RAB3IL1: variants seen among roughly 807,000 people sequenced by gnomAD.
RAB3IL1 encodes RAB3A interacting protein like 1.
Under a neutral mutation model 49.2 loss-of-function variants are expected in RAB3IL1, and 37 were observed. That is an observed-to-expected ratio of 0.75 (90% CI 0.58 to 0.99). The LOEUF is 0.99. Among genes scored for constraint, RAB3IL1 ranks in the 50% least tolerant of loss-of-function variants. The pLI, the probability that RAB3IL1 is intolerant of heterozygous loss-of-function variation, is 0.00. For missense variants in RAB3IL1, 484 were observed against 513.0 expected, an observed-to-expected ratio of 0.94 and a Z score of 0.55; for synonymous variants, 193 against 213.9, an observed-to-expected ratio of 0.90 and a Z score of 0.85.
At chr11:61,934,446 G>GTGTGTGTGTGTATA in the RAB3IL1 span, among the ~76,000 whole-genome samples, 9 of 24,402 alleles carry the variant, frequency 3.7e-4, no homozygotes, top group Non-Finnish European at 9.9e-4. Flanking sequence ...GTGTGTGTGT[G>GTGTGTGTGTGTATA]TATGTATATA....
At position 61,897,520 on chromosome 11, in the gene RAB3IL1, T is replaced by C. The variant is rs13966; in HGVS notation, c.*758A>G. On this transcript the variant is annotated 3_prime_UTR_variant, in exon 10 of 10. Transcript: ENST00000394836. ...ACCCACAGCTGAAAACAGGCGTGGG[T>C]GATCTGAAGCCCTGTCTGTGTTCTA... The C allele has an allele frequency of 0.54, 81,684 of 151,862 alleles. 22,550 individuals carry two copies. Among genetic ancestry groups the C allele is most frequent in the East Asian group, 0.88 (4,537 of 5,154 alleles). The allele number at this position is 151,862 out of a possible 1,614,324, so 9.4% of individuals were successfully genotyped here. A position where few individuals can be genotyped will look rare whatever the true frequency, so the allele number is the denominator to read the frequency against.
At chr11:61,907,351 G>C (rs778012978) in intron 4 of RAB3IL1, 42 bp downstream of exon 4, 12 of 1,600,098 alleles carry the variant, frequency 7.5e-6, no homozygotes, top group African/African-American at 1.3e-5. Flanking sequence ...GGAGGCAGGG[G>C]GGGTGCCTGG....
intron 1 of RAB3IL1, among the ~76,000 whole-genome samples, chr11:61,916,577 G>T (rs988824406): frequency 2.0e-5 from 3 of 152,200 alleles, no homozygotes; most frequent in African/African-American, 7.2e-5. Context: ...TGGCCCAGGG[G>T]GCACAGGAGT....
upstream of RAB3IL1, among the ~76,000 whole-genome samples, chr11:61,917,762 ACTC>A (rs1939775490): frequency 1.3e-5 from 2 of 150,698 alleles, no homozygotes; most frequent in Non-Finnish European, 3.0e-5. Context: ...TCCCCAGCTG[ACTC>A]CTCCTCTCCA....
At chr11:61,942,820 A>G in the RAB3IL1 span, among the ~76,000 whole-genome samples, 3 of 152,244 alleles carry the variant, frequency 2.0e-5, no homozygotes, top group Non-Finnish European at 4.4e-5. Flanking sequence ...AGAAGATGCA[A>G]GACTTGTACA....
chr11:61,902,325 A>T, intron 8 of RAB3IL1, 117 bp downstream of exon 8: 1 of 883,710 alleles, frequency 1.1e-6, no homozygotes, highest in Non-Finnish European at 1.7e-6. Context: ...AAAAATAAAT[A>T]AATAAAATAA....
At chr11:61,943,344 AG>A in the RAB3IL1 span, among the ~76,000 whole-genome samples, 1 of 152,244 alleles carries the variant, frequency 6.6e-6, no homozygotes. Context: ...AACTCAAAAT[AG>A]GTCAAATTCC....
chr11:61,931,096 T>C, the RAB3IL1 span, among the ~76,000 whole-genome samples: 5 of 152,098 alleles, frequency 3.3e-5, no homozygotes, highest in Admixed American at 2.6e-4. Context: ...GTAACTGAAG[T>C]ATAGAGCACT....
upstream of RAB3IL1, among the ~76,000 whole-genome samples, chr11:61,920,780 G>C (rs1319791746): frequency 1.3e-5 from 2 of 152,142 alleles, no homozygotes; most frequent in African/African-American, 4.8e-5. Context: ...AAAATTAGCC[G>C]GGCATGGTGG....
chr11:61,917,991 A>G (rs1213650833), upstream of RAB3IL1, among the ~76,000 whole-genome samples: 1 of 152,088 alleles, frequency 6.6e-6, no homozygotes, highest in Non-Finnish European at 1.5e-5. Flanking sequence ...CAAACCCGAA[A>G]CAAGTTTTCT....
upstream of RAB3IL1, among the ~76,000 whole-genome samples, chr11:61,921,739 T>C (rs1939912715): frequency 6.6e-6 from 1 of 152,188 alleles, no homozygotes; most frequent in Non-Finnish European, 1.5e-5. Flanking sequence ...GGTGTGAATG[T>C]GCCACCCTGT....
chr11:61,916,023 C>A (rs1939668293), intron 1 of RAB3IL1, among the ~76,000 whole-genome samples: 1 of 133,856 alleles, frequency 7.5e-6, no homozygotes, highest in Non-Finnish European at 1.5e-5. Flanking sequence ...CAGAGTGACA[C>A]TCTGTCTCAA....
chr11:61,903,183 T>C (rs1272003374), intron 7 of RAB3IL1, among the ~76,000 whole-genome samples: 1 of 151,830 alleles, frequency 6.6e-6, no homozygotes, highest in Non-Finnish European at 1.5e-5. Flanking sequence ...CATCATCTGC[T>C]CGGCTCTCTC....
the RAB3IL1 span, among the ~76,000 whole-genome samples, chr11:61,945,134 T>C: frequency 3.3e-5 from 5 of 152,204 alleles, no homozygotes; most frequent in African/African-American, 1.2e-4. Context: ...CCCATTGACC[T>C]GACAGATAGG....
At chr11:61,942,437 C>T in the RAB3IL1 span, among the ~76,000 whole-genome samples, 5 of 151,680 alleles carry the variant, frequency 3.3e-5, no homozygotes, top group Non-Finnish European at 7.4e-5. Context: ...CTGTGAGAAA[C>T]ACCCAAGAAT....
chr11:61,933,624 T>C, the RAB3IL1 span, among the ~76,000 whole-genome samples: 78 of 151,776 alleles, frequency 5.1e-4, 1 homozygote, highest in Admixed American at 1.4e-3. Context: ...AACCTAAAAA[T>C]GTGGAGGTAG....
intron 8 of RAB3IL1, among the ~76,000 whole-genome samples, chr11:61,900,221 T>C (rs1938835655): frequency 6.6e-6 from 1 of 152,246 alleles, no homozygotes; most frequent in Admixed American, 6.5e-5. Context: ...GGCCACATCC[T>C]GGCTGGACTC....
intron 1 of RAB3IL1, among the ~76,000 whole-genome samples, chr11:61,916,278 G>A (rs774935618): frequency 1.3e-5 from 2 of 151,822 alleles, no homozygotes; most frequent in Non-Finnish European, 2.9e-5. Flanking sequence ...CTCAGGCAGC[G>A]GAGGTTGCAG....
In RAB3IL1 at chr11:61,907,580, C is replaced by T. The variant is rs375845758; in HGVS notation, c.345G>A (p.Thr115=). 1.9e-6 allele frequency: 3 copies of T among 1,614,086 alleles called. No homozygotes were observed. Among genetic ancestry groups the T allele is most frequent in the Non-Finnish European group, 1.7e-6 (2 of 1,180,010 alleles). Residue 115 remains threonine, a synonymous_variant, in exon 3 of 10, where the codon ACG becomes ACA. Transcript: ENST00000394836. ...GCCGGTGTACCTCAAACAGGCTGGCCGTCAGCTCTTCCAGCTCCTGTTCTA... is the reference window on the plus strand; with the variant it reads ...GCCGGTGTACCTCAAACAGGCTGGCTGTCAGCTCTTCCAGCTCCTGTTCTA... ...EQLEQELEEL[T]ASLFEEAHKM...
Sources: gnomAD v4.1 joint callset for allele counts (sites outside exome capture counted in the v4.1 genomes callset) on GRCh38, gnomAD v4.1.1 for gene constraint, MANE v1.5 for transcripts, NCBI Gene and HGNC (gene_info 2026-07-23, HGNC 2026-07-21) for gene names.